TRAT1: variants seen among roughly 807,000 people sequenced by gnomAD.
TRAT1 encodes T cell receptor associated transmembrane adaptor 1.
TRAT1 carries 20 observed loss-of-function variants against 20.0 expected under a neutral mutation model. The observed-to-expected ratio is 1.00, with a 90% confidence interval of 0.70 to 1.45. The LOEUF is 1.45. Ranked by LOEUF, TRAT1 falls within the 40% of genes most tolerant of loss-of-function variation. TRAT1 has a pLI of 0.00. For missense variants in TRAT1, 237 were observed against 224.1 expected, an observed-to-expected ratio of 1.06 and a Z score of -0.37; for synonymous variants, 77 against 74.2, an observed-to-expected ratio of 1.04 and a Z score of -0.20.
chr3:108,831,864 G>T (rs1338848524), intron 2 of TRAT1, among the ~76,000 whole-genome samples: 1 of 151,956 alleles, frequency 6.6e-6, no homozygotes, highest in Non-Finnish European at 1.5e-5. Flanking sequence ...TAAATACCAA[G>T]AAACCCTTAA....
intron 4 of TRAT1, among the ~76,000 whole-genome samples, chr3:108,847,800 T>C (rs1039189133): frequency 2.0e-5 from 3 of 152,176 alleles, no homozygotes; most frequent in African/African-American, 7.2e-5. Context: ...CAAGTACTCA[T>C]TCAATACATC....
intron 3 of TRAT1, among the ~76,000 whole-genome samples, chr3:108,845,048 C>A (rs1184440578): frequency 6.6e-6 from 1 of 152,038 alleles, no homozygotes; most frequent in Non-Finnish European, 1.5e-5. Flanking sequence ...GTACACTAGC[C>A]TCTCAGATAT....
At chr3:108,838,852 C>A in intron 2 of TRAT1, 82 bp from the exon 3 acceptor site, 2 of 1,076,792 alleles carry the variant, frequency 1.9e-6, no homozygotes, top group Non-Finnish European at 2.9e-6. Flanking sequence ...TGAGGCTAAA[C>A]TCCCCTCAGA....
intron 3 of TRAT1, among the ~76,000 whole-genome samples, chr3:108,845,618 T>A (rs1945935367): frequency 6.6e-6 from 1 of 152,262 alleles, no homozygotes; most frequent in East Asian, 1.9e-4. Flanking sequence ...GTTATTTTTT[T>A]AATACCTACG....
intron 3 of TRAT1, among the ~76,000 whole-genome samples, chr3:108,845,938 T>G (rs767259408): frequency 2.6e-5 from 4 of 152,136 alleles, no homozygotes; most frequent in Non-Finnish European, 5.9e-5. Flanking sequence ...CCTAATAGCA[T>G]TACTCACGTG....
chr3:108,839,243 T>C (rs2953350), intron 3 of TRAT1: 426,637 of 427,704 alleles, frequency 1, 212,792 homozygotes, highest in East Asian at 1. Flanking sequence ...ATTTCAGAGG[T>C]AGATAGCCTA....
chr3:108,825,866 C>T (rs1945733269), intron 1 of TRAT1, among the ~76,000 whole-genome samples: 1 of 152,082 alleles, frequency 6.6e-6, no homozygotes, highest in Non-Finnish European at 1.5e-5. Flanking sequence ...ACAACCATGC[C>T]ATCTTCAGAG....
At chr3:108,838,816 C>A (rs1945865053) in intron 2 of TRAT1, 118 bp from the exon 3 acceptor site, 2 of 796,822 alleles carry the variant, frequency 2.5e-6, no homozygotes, top group Non-Finnish European at 4.4e-6. Context: ...GCCCTGAGAG[C>A]CTTGGTCAAA....
At chr3:108,839,839 T>C (rs1945877071) in intron 3 of TRAT1, among the ~76,000 whole-genome samples, 1 of 152,128 alleles carries the variant, frequency 6.6e-6, no homozygotes. Context: ...TGTATAGTAG[T>C]ATACATTTTT....
At chr3:108,847,643 T>C (rs114282658) in intron 4 of TRAT1, among the ~76,000 whole-genome samples, 13 of 152,336 alleles carry the variant, frequency 8.5e-5, no homozygotes, top group African/African-American at 2.4e-4. Flanking sequence ...TTTGTTCTTA[T>C]GTAATAAGCG....
intron 3 of TRAT1, among the ~76,000 whole-genome samples, chr3:108,843,551 A>G (rs945351334): frequency 2.0e-5 from 3 of 151,904 alleles, no homozygotes; most frequent in African/African-American, 7.3e-5. Flanking sequence ...ACAAAAATAA[A>G]CAAAACAACA....
At chr3:108,844,673 T>C (rs912189235) in intron 3 of TRAT1, among the ~76,000 whole-genome samples, 8 of 150,816 alleles carry the variant, frequency 5.3e-5, no homozygotes, top group Admixed American at 1.3e-4. Context: ...TGAAACCCCG[T>C]CTCTACTAAA....
chr3:108,839,065 A>G, intron 3 of TRAT1, 98 bp downstream of exon 3: 1 of 902,486 alleles, frequency 1.1e-6, no homozygotes, highest in Middle Eastern at 2.2e-4. Context: ...TATTGTACTT[A>G]GGTTAAAATG....
At chr3:108,853,561 T>G in intron 5 of TRAT1, 59 bp from the exon 6 acceptor site, 1 of 1,548,752 alleles carries the variant, frequency 6.5e-7, no homozygotes, top group Non-Finnish European at 8.7e-7. Context: ...CACAGAAATT[T>G]CCAGAAGTCA....
At chr3:108,839,783 A>G (rs9855927) in intron 3 of TRAT1, among the ~76,000 whole-genome samples, 63,988 of 152,044 alleles carry the variant, frequency 0.42, 13,805 homozygotes, top group Middle Eastern at 0.53. Context: ...TGTTATAGAT[A>G]TCACTTATTC....
intron 5 of TRAT1, among the ~76,000 whole-genome samples, chr3:108,850,216 T>C (rs971377139): frequency 3.3e-5 from 5 of 152,152 alleles, no homozygotes; most frequent in Admixed American, 6.5e-5. Context: ...TTCTCTTCCC[T>C]AAAATGGCTC....
intron 1 of TRAT1, among the ~76,000 whole-genome samples, chr3:108,830,114 T>C (rs1369753436): frequency 6.6e-6 from 1 of 152,092 alleles, no homozygotes; most frequent in African/African-American, 2.4e-5. Context: ...GAAGTGTAAT[T>C]AACTTTCCAC....
intron 1 of TRAT1, among the ~76,000 whole-genome samples, 174 bp downstream of exon 1, chr3:108,823,108 T>C (rs1191550305): frequency 6.6e-6 from 1 of 152,220 alleles, no homozygotes; most frequent in Non-Finnish European, 1.5e-5. Context: ...TAAGTTGACA[T>C]TTTTCTTTTG....
At chr3:108,823,868 G>GT (rs926846444) in intron 1 of TRAT1, among the ~76,000 whole-genome samples, 9 of 151,704 alleles carry the variant, frequency 5.9e-5, no homozygotes, top group Middle Eastern at 3.4e-3. Flanking sequence ...GTTGTATACA[G>GT]TTTTTTTTGT....
Sources: gnomAD v4.1 joint callset for allele counts (sites outside exome capture counted in the v4.1 genomes callset) on GRCh38, gnomAD v4.1.1 for gene constraint, MANE v1.5 for transcripts, NCBI Gene and HGNC (gene_info 2026-07-23, HGNC 2026-07-21) for gene names.